The following KCNIP1 variants were observed in gnomAD, a reference collection of about 807,000 sequenced individuals.
KCNIP1 encodes potassium voltage-gated channel interacting protein 1.
A neutral mutation model predicts 33.0 loss-of-function variants in KCNIP1; 18 were observed. That is an observed-to-expected ratio of 0.55 (90% CI 0.38 to 0.81). The LOEUF is 0.81. KCNIP1 is among the 30% of genes least tolerant of loss of function. The pLI, the probability that KCNIP1 is intolerant of heterozygous loss-of-function variation, is 0.00. For synonymous variants in KCNIP1, 93 were observed against 98.3 expected (o/e 0.95, Z 0.32); for missense variants, 238 against 271.6 (o/e 0.88, Z 0.87).
chr5:170,358,498 C>A (rs1763408667), intron 1 of KCNIP1, among the ~76,000 whole-genome samples: 1 of 152,198 alleles, frequency 6.6e-6, no homozygotes, highest in African/African-American at 2.4e-5. Flanking sequence ...GCAGGCCAGG[C>A]TGGAGTACCA....
intron 1 of KCNIP1, among the ~76,000 whole-genome samples, chr5:170,485,509 C>T (rs1338613486): frequency 6.6e-6 from 1 of 152,186 alleles, no homozygotes; most frequent in Non-Finnish European, 1.5e-5. Flanking sequence ...AGACACATGG[C>T]CCACCTTCAG....
intron 1 of KCNIP1, among the ~76,000 whole-genome samples, chr5:170,661,946 C>G (rs554441542): frequency 6.6e-6 from 1 of 152,162 alleles, no homozygotes; most frequent in African/African-American, 2.4e-5. Flanking sequence ...AAGGCTCGAG[C>G]ACAACGCAGC....
intron 1 of KCNIP1, among the ~76,000 whole-genome samples, chr5:170,693,187 C>A (rs578190962): frequency 6.6e-6 from 1 of 152,314 alleles, no homozygotes; most frequent in East Asian, 1.9e-4. Flanking sequence ...CGCCCTCTCA[C>A]CCCCTCCCGC....
chr5:170,497,409 A>G (rs1376717394), intron 1 of KCNIP1, among the ~76,000 whole-genome samples: 1 of 152,196 alleles, frequency 6.6e-6, no homozygotes, highest in Non-Finnish European at 1.5e-5. Flanking sequence ...TGAATGGATA[A>G]AATCCTTTAC....
chr5:170,649,291 T>C (rs1760938187), intron 1 of KCNIP1, among the ~76,000 whole-genome samples: 1 of 152,216 alleles, frequency 6.6e-6, no homozygotes, highest in African/African-American at 2.4e-5. Context: ...ACTCATTTTA[T>C]GCAAAATGAA....
chr5:170,417,920 C>T (rs959013452), intron 1 of KCNIP1, among the ~76,000 whole-genome samples: 8 of 152,220 alleles, frequency 5.3e-5, no homozygotes, highest in African/African-American at 7.2e-5. Context: ...TAGACGTCTT[C>T]GTTTGGGCAA....
chr5:170,533,579 T>C (rs147301665), intron 1 of KCNIP1, among the ~76,000 whole-genome samples: 4 of 152,328 alleles, frequency 2.6e-5, no homozygotes, highest in African/African-American at 9.6e-5. Context: ...CACGTGGAAC[T>C]ATGCTCTGTC....
At chr5:170,455,796 G>A (rs912449565) in intron 1 of KCNIP1, among the ~76,000 whole-genome samples, 1 of 152,222 alleles carries the variant, frequency 6.6e-6, no homozygotes, top group Non-Finnish European at 1.5e-5. Context: ...CTAAAGCAAT[G>A]CTTAGAGGGA....
rs114528687 is a variant in KCNIP1 at position 170,504,905 on chromosome 5, G to C, written c.61+272G>C. ...CCTCCTGGGGAAATCTCTGAGAGCC[G>C]AAGGAAGCGGCATGTTCACAGGTGG... On this transcript the variant is annotated intron_variant, in intron 1 of 7. Transcript: ENST00000328939. This position sits in a 1 kb window ranked among gnomAD's most constrained non-coding sequence, Gnocchi z 6.0. 0.011 allele frequency among the ~76,000 whole-genome samples: 1,696 copies of C among 152,312 alleles called. 37 individuals carry two copies. The highest frequency in any genetic ancestry group is 0.038 in the African/African-American group (1,590 of 41,570).
At chr5:170,707,027 C>G (rs1763277184) in intron 1 of KCNIP1, among the ~76,000 whole-genome samples, 1 of 152,106 alleles carries the variant, frequency 6.6e-6, no homozygotes, top group African/African-American at 2.4e-5. Context: ...GGAAGTTTCT[C>G]CACTGCCACC....
chr5:170,400,080 T>C (rs984591990), intron 1 of KCNIP1, among the ~76,000 whole-genome samples: 10 of 152,330 alleles, frequency 6.6e-5, no homozygotes, highest in East Asian at 1.9e-4. Context: ...AGACCAGGGA[T>C]TGGAATTCAG....
intron 1 of KCNIP1, among the ~76,000 whole-genome samples, chr5:170,381,012 G>C (rs1764217066): frequency 6.6e-6 from 1 of 152,184 alleles, no homozygotes; most frequent in Non-Finnish European, 1.5e-5. Flanking sequence ...AATATGTTTT[G>C]ACTTATCTAT....
intron 1 of KCNIP1, among the ~76,000 whole-genome samples, chr5:170,443,648 G>C (rs943512760): frequency 1.3e-5 from 2 of 152,304 alleles, no homozygotes; most frequent in South Asian, 4.1e-4. Context: ...TCCTGTCCTC[G>C]TCCTGAGTTC....
chr5:170,733,481 G>C (rs1238344825), intron 6 of KCNIP1, among the ~76,000 whole-genome samples: 1 of 152,250 alleles, frequency 6.6e-6, no homozygotes, highest in Non-Finnish European at 1.5e-5. Context: ...GTGCAAGTTT[G>C]TACAGCAAGT....
intron 1 of KCNIP1, among the ~76,000 whole-genome samples, chr5:170,446,310 T>C (rs1418881407): frequency 6.6e-6 from 1 of 152,198 alleles, no homozygotes; most frequent in Non-Finnish European, 1.5e-5. Context: ...TATTGGACTC[T>C]TACATAGGCT....
At chr5:170,474,619 C>T (rs543718134) in intron 1 of KCNIP1, among the ~76,000 whole-genome samples, 3 of 152,256 alleles carry the variant, frequency 2.0e-5, no homozygotes, top group South Asian at 2.1e-4. Flanking sequence ...CCCATAGACT[C>T]CTCTAGCTTC....
intron 1 of KCNIP1, among the ~76,000 whole-genome samples, chr5:170,598,904 CGTGTGTGTGTGTGTGTGTGTGT>C (rs70979192): frequency 8.2e-5 from 11 of 133,870 alleles, no homozygotes; most frequent in South Asian, 2.7e-4. Flanking sequence ...TGTGTGTGCG[CGTGTGTGTGTGTGTGTGTGTGT>C]GTGTGTGTGT....
intron 1 of KCNIP1, among the ~76,000 whole-genome samples, chr5:170,570,006 A>G (rs1483003684): frequency 2.0e-5 from 3 of 152,130 alleles, no homozygotes; most frequent in Non-Finnish European, 2.9e-5. Context: ...ATGGATGGGG[A>G]TAGGAGAGCC....
intron 1 of KCNIP1, among the ~76,000 whole-genome samples, chr5:170,586,853 A>G (rs1163885237): frequency 6.6e-6 from 1 of 152,162 alleles, no homozygotes; most frequent in African/African-American, 2.4e-5. Context: ...TTAGTCAACA[A>G]CTGTGGATTG....
Sources: allele counts gnomAD v4.1 joint callset (sites outside exome capture counted in the v4.1 genomes callset), GRCh38; gene constraint gnomAD v4.1.1; non-coding constraint Gnocchi (gnomAD v3.1); transcripts MANE v1.5; gene names NCBI Gene and HGNC (gene_info 2026-07-23, HGNC 2026-07-21).